Variants in TRPS1 observed in about 807,000 individuals in gnomAD.
TRPS1 encodes transcriptional repressor GATA binding 1, also known as zinc finger transcription factor Trps1.
TRPS1 carries 6 observed loss-of-function variants against 101.2 expected under a neutral mutation model. That is an observed-to-expected ratio of 0.06 (90% CI 0.03 to 0.12). TRPS1 has a LOEUF of 0.12. Ranked by LOEUF, TRPS1 falls within the 10% of genes least tolerant of loss-of-function variation. The pLI, the probability that TRPS1 is intolerant of heterozygous loss-of-function variation, is 1.00. For synonymous variants in TRPS1, 578 were observed against 589.8 expected (o/e 0.98, Z 0.29); for missense variants, 1,363 against 1,567.0 (o/e 0.87, Z 2.20).
intron 5 of TRPS1, among the ~76,000 whole-genome samples, chr8:115,500,978 G>A (rs1167267903): frequency 1.7e-5 from 2 of 116,966 alleles, no homozygotes; most frequent in African/African-American, 6.8e-5. Flanking sequence ...CTTCCCATGT[G>A]TATGTAGATC....
chr8:115,529,597 T>A (rs1020324497), intron 5 of TRPS1, among the ~76,000 whole-genome samples: 2 of 152,058 alleles, frequency 1.3e-5, no homozygotes, highest in Non-Finnish European at 2.9e-5. Flanking sequence ...AGAGAAAGGT[T>A]TACCCTACAG....
At chr8:115,634,474 A>C (rs1818722143) in intron 1 of TRPS1, among the ~76,000 whole-genome samples, 2 of 152,228 alleles carry the variant, frequency 1.3e-5, no homozygotes, top group South Asian at 4.1e-4. Context: ...AAAGTTAATC[A>C]CATCCATTAG....
At chr8:115,524,865 T>G (rs893812239) in intron 5 of TRPS1, among the ~76,000 whole-genome samples, 28 of 152,162 alleles carry the variant, frequency 1.8e-4, no homozygotes, top group African/African-American at 6.3e-4. Flanking sequence ...ATACCAGTGA[T>G]CAAAGTTGCT....
chr8:115,460,204 T>G (rs73367484), intron 5 of TRPS1, among the ~76,000 whole-genome samples: 1 of 152,098 alleles, frequency 6.6e-6, no homozygotes, highest in Non-Finnish European at 1.5e-5. Context: ...TAATCCATCC[T>G]GTAACACAAT....
intron 1 of TRPS1, among the ~76,000 whole-genome samples, chr8:115,629,174 AC>A (rs1818580975): frequency 6.6e-6 from 1 of 151,882 alleles, no homozygotes; most frequent in South Asian, 2.1e-4. Flanking sequence ...AACAAAAAAA[AC>A]CAGTATTCCT....
At chr8:115,539,272 A>G (rs1816395472) in intron 5 of TRPS1, among the ~76,000 whole-genome samples, 1 of 152,232 alleles carries the variant, frequency 6.6e-6, no homozygotes, top group South Asian at 2.1e-4. Flanking sequence ...AGGGTTTCAA[A>G]GAAAGGTTAG....
intron 5 of TRPS1, among the ~76,000 whole-genome samples, chr8:115,468,007 A>G (rs1187764204): frequency 6.6e-6 from 1 of 152,198 alleles, no homozygotes; most frequent in Non-Finnish European, 1.5e-5. Flanking sequence ...TTTCGTGCCT[A>G]CAGAAATTCC....
rs988721512 is a variant in TRPS1 at position 115,414,315 on chromosome 8, G to A, written c.3593C>T (p.Thr1198Met). ...ATTTTTTACATTTGGTGGTGCCTTC[G>A]TTTTCTCCTTGGAGGCACCGTTTGC... is the stretch of plus-strand genomic sequence containing the variant. The part of the protein sequence containing the change: ...PTANGASKEK[T>M]KAPPNVKNEG... The change falls in exon 7 of 7, where the codon ACG becomes ATG. Residue 1198 changes from threonine (T) to methionine (M), a missense_variant. By Grantham distance (81) the Thr-to-Met change is moderately conservative. Coordinates refer to ENST00000395715, the MANE Select transcript of TRPS1 (RefSeq NM_014112.5). The surrounding 1 kb of genome is among the most constrained non-coding windows in gnomAD (Gnocchi z 4.8). 4 of 1,613,790 alleles carry A rather than the reference G, an allele frequency of 2.5e-6. No individual in the cohort carries two copies. Among genetic ancestry groups the A allele is most frequent in the African/African-American group, 1.3e-5 (1 of 74,890 alleles).
chr8:115,513,353 T>C (rs1449303894), intron 5 of TRPS1, among the ~76,000 whole-genome samples: 1 of 151,632 alleles, frequency 6.6e-6, no homozygotes, highest in Admixed American at 6.6e-5. Flanking sequence ...AAGCACCATA[T>C]TTGGTTCTTC....
chr8:115,462,639 CTCTTT>C (rs1814214765), intron 5 of TRPS1, among the ~76,000 whole-genome samples: 1 of 75,736 alleles, frequency 1.3e-5, no homozygotes, highest in African/African-American at 3.6e-5. Context: ...CTCTCTCTCT[CTCTTT>C]TTTTTTTTTT....
chr8:115,647,913 A>T (rs1811456646), intron 1 of TRPS1, among the ~76,000 whole-genome samples: 1 of 152,066 alleles, frequency 6.6e-6, no homozygotes. Flanking sequence ...GTGACAAAAA[A>T]AAAAGCATGA....
intron 5 of TRPS1, among the ~76,000 whole-genome samples, chr8:115,502,988 G>A (rs1370476412): frequency 1.2e-4 from 18 of 152,214 alleles, no homozygotes; most frequent in South Asian, 4.1e-4. Flanking sequence ...CTTAGGCTGC[G>A]TGTGGTGGCT....
chr8:115,526,283 G>A (rs755283808), intron 5 of TRPS1, among the ~76,000 whole-genome samples: 1 of 151,896 alleles, frequency 6.6e-6, no homozygotes. Flanking sequence ...ACACTCCAGC[G>A]TGGGTGACAG....
intron 5 of TRPS1, among the ~76,000 whole-genome samples, chr8:115,583,943 C>T (rs1817509592): frequency 6.6e-6 from 1 of 151,890 alleles, no homozygotes; most frequent in South Asian, 2.1e-4. Flanking sequence ...ATGAAGAGAA[C>T]ATTTCGAAAT....
At chr8:115,419,025 G>T (rs1023218868) in intron 5 of TRPS1, among the ~76,000 whole-genome samples, 3 of 152,054 alleles carry the variant, frequency 2.0e-5, no homozygotes, top group Non-Finnish European at 4.4e-5. Context: ...AACGTGAGAG[G>T]GTTTGTAGAA....
At chr8:115,633,064 C>G (rs1330222624) in intron 1 of TRPS1, among the ~76,000 whole-genome samples, 1 of 152,082 alleles carries the variant, frequency 6.6e-6, no homozygotes, top group African/African-American at 2.4e-5. Context: ...AACCTTTGAG[C>G]TGCGATATTT....
chr8:115,455,938 C>A (rs1156252297), intron 5 of TRPS1, among the ~76,000 whole-genome samples: 1 of 151,688 alleles, frequency 6.6e-6, no homozygotes, highest in Non-Finnish European at 1.5e-5. Context: ...GCGCCCGCCA[C>A]TATGCCCAGC....
At chr8:115,445,762 T>C (rs531076946) in intron 5 of TRPS1, among the ~76,000 whole-genome samples, 33 of 152,244 alleles carry the variant, frequency 2.2e-4, no homozygotes, top group Admixed American at 1.4e-3. Context: ...TCGCAGAAGG[T>C]GAGATAGAGT....
chr8:115,579,041 G>A (rs951844708), intron 5 of TRPS1, among the ~76,000 whole-genome samples: 2 of 151,986 alleles, frequency 1.3e-5, no homozygotes, highest in Non-Finnish European at 2.9e-5. Context: ...GTGTGATCTA[G>A]GCAAAATACT....
Sources: gnomAD v4.1 joint callset for allele counts (sites outside exome capture counted in the v4.1 genomes callset) on GRCh38, gnomAD v4.1.1 for gene constraint, Gnocchi (gnomAD v3.1) non-coding constraint, MANE v1.5 for transcripts, NCBI Gene and HGNC (gene_info 2026-07-23, HGNC 2026-07-21) for gene names.